Variants in UBR3 observed in about 807,000 individuals in gnomAD.
UBR3 encodes ubiquitin protein ligase E3 component n-recognin 3, also known as E3 ubiquitin-protein ligase UBR3.
Under a neutral mutation model 243.2 loss-of-function variants are expected in UBR3, and 85 were observed. The observed-to-expected ratio is 0.35, with a 90% CI of 0.29 to 0.42. The LOEUF (loss-of-function observed/expected upper bound fraction) is 0.42, where lower values mean the gene tolerates loss of function less well. Among genes scored for constraint, UBR3 ranks in the 10% least tolerant of loss-of-function variants. The probability of loss-of-function intolerance (pLI) is 1.00; values close to 1 mark genes in which losing one functional copy is unlikely to be tolerated. For missense variants in UBR3, 1,686 were observed against 2,300.8 expected (o/e 0.73, Z 5.47); for synonymous variants, 748 against 799.8 (o/e 0.94, Z 1.09).
At position 169,906,098 on chromosome 2, in the gene UBR3, C is replaced by T; in HGVS notation, c.1713C>T (p.Ala571=). Residue 571 remains alanine (A), a synonymous_variant, in exon 10 of 39, where the codon GCC becomes GCT. Coordinates refer to ENST00000272793, the MANE Select transcript of UBR3 (RefSeq NM_172070.4). ...VEFESQTYYA[A]FAAELEACAQ... Reference sequence around the variant, plus strand: ...TTGAGTCTCAGACCTACTATGCTGCCTTTGCTGCTGAACTTGAGGCCTGTG... The same window carrying T: ...TTGAGTCTCAGACCTACTATGCTGCTTTTGCTGCTGAACTTGAGGCCTGTG... 1 of 1,551,520 alleles carries T rather than the reference C, an allele frequency of 6.4e-7. No homozygotes were observed. Among genetic ancestry groups the T allele is most frequent in the Non-Finnish European group, 8.7e-7 (1 of 1,146,876 alleles).
Position 169,966,058 on chromosome 2 carries a change from G to C in UBR3, c.3634+7532G>C, listed in dbSNP as rs550007970. On this transcript the variant is annotated intron_variant, in intron 24 of 38. Transcript: ENST00000272793. ...ATGCAACACATTTCTACTGTGATTA[G>C]CACTCTTGCCTATCTGTTTAATGCC... Among the ~76,000 whole-genome samples, 5 of 152,232 alleles carry C rather than the reference G, an allele frequency of 3.3e-5. No individual in the cohort carries two copies. In the East Asian group the frequency reaches 9.6e-4, roughly 29 times the overall value.
Position 169,965,791 on chromosome 2 carries a change from T to C in UBR3, c.3634+7265T>C, listed in dbSNP as rs146287232. Among the ~76,000 whole-genome samples the C allele has an allele frequency of 4.6e-3, 697 of 152,270 alleles. 6 individuals are homozygous for C. The highest frequency in any genetic ancestry group is 0.016 in the African/African-American group (656 of 41,566). On this transcript the variant is annotated intron_variant, in intron 24 of 38. Transcript: ENST00000272793. Reference sequence around the variant, plus strand: ...TTTATTTCCGAAATTTTCCATTTAATATTTTCTGACCATGGTTGACCACAG... The same window carrying C: ...TTTATTTCCGAAATTTTCCATTTAACATTTTCTGACCATGGTTGACCACAG...
At chr2:169,986,903 T>C in intron 25 of UBR3, 109 bp downstream of exon 25, 1 of 1,177,716 alleles carries the variant, frequency 8.5e-7, no homozygotes. Flanking sequence ...TACTTATAAC[T>C]AGGCAAGGGT....
Position 169,878,530 on chromosome 2 carries a change from A to G in UBR3, c.994A>G (p.Ile332Val), listed in dbSNP as rs2105314571. 6.4e-7 allele frequency: 1 copy of G among 1,551,308 alleles called. No homozygotes were observed. Among genetic ancestry groups the G allele is most frequent in the Non-Finnish European group, 8.7e-7 (1 of 1,146,678 alleles). The change falls in exon 5 of 39, where the codon ATA (isoleucine) becomes GTA (valine). Residue 332 changes from isoleucine to valine, a missense_variant. Coordinates refer to ENST00000272793, the MANE Select transcript of UBR3 (RefSeq NM_172070.4). ...ATTTTTCTTCTCCTCCAAAGGTTTC[A>G]TAGGCGCAACAGGAACTTTGGGACA... Reference protein sequence around the residue: ...GTSSLAVQGFIGATGTLGQVD... With the variant: ...GTSSLAVQGFVGATGTLGQVD...
At chr2:170,023,255 G>A (rs1644047713) in intron 30 of UBR3, among the ~76,000 whole-genome samples, 1 of 151,880 alleles carries the variant, frequency 6.6e-6, no homozygotes, top group Non-Finnish European at 1.5e-5. Flanking sequence ...CTACAGGTAT[G>A]TGTCACCTTG....
chr2:169,836,319 C>A (rs937657039), intron 1 of UBR3, among the ~76,000 whole-genome samples: 1 of 151,128 alleles, frequency 6.6e-6, no homozygotes, highest in Non-Finnish European at 1.5e-5. Context: ...TCCTGACCTC[C>A]GGTGATCTTC....
chr2:169,978,058 C>T (rs775217342), intron 24 of UBR3, among the ~76,000 whole-genome samples: 3 of 152,090 alleles, frequency 2.0e-5, no homozygotes, highest in Non-Finnish European at 4.4e-5. Flanking sequence ...CATGCAGCTT[C>T]TCTGGTGGTG....
At chr2:170,060,498 G>A (rs933913628) in intron 33 of UBR3, among the ~76,000 whole-genome samples, 2 of 151,678 alleles carry the variant, frequency 1.3e-5, no homozygotes, top group African/African-American at 4.8e-5. Flanking sequence ...AAAATTTGTG[G>A]TCTATATTTT....
Position 169,927,054 on chromosome 2 carries a change from G to GA in UBR3, c.2338+89dup, listed in dbSNP as rs1427000888. 2.2e-5 allele frequency: 32 copies of GA among 1,426,438 alleles called. 1 individual carries two copies. Among genetic ancestry groups the GA allele is most frequent in the Non-Finnish European group, 2.9e-5 (31 of 1,058,384 alleles). The allele number at this position is 1,426,438 out of a possible 1,614,324, so 88.4% of individuals were successfully genotyped here. ...TCCCTGTGGTAGTAACTGGCTTAGGGAAAAAAGGAAAGGATGTAGATAAAT... is the reference window on the plus strand; with the variant it reads ...TCCCTGTGGTAGTAACTGGCTTAGGGAAAAAAAGGAAAGGATGTAGATAAAT... On this transcript the variant is annotated intron_variant, in intron 16 of 38. Transcript: ENST00000272793.
In UBR3 at chr2:169,860,629, G is replaced by A. The variant is rs1332355830; in HGVS notation, c.546-11607G>A. ...TTTTAATGTGTTTATTGACTGACTT[G>A]AGCATCTTTTCATATGGTTAAGAAC... is the stretch of plus-strand genomic sequence containing the variant. On this transcript the variant is annotated intron_variant, in intron 1 of 38. Coordinates refer to ENST00000272793, the MANE Select transcript of UBR3 (RefSeq NM_172070.4). Among the ~76,000 whole-genome samples the A allele has an allele frequency of 5.3e-5, 8 of 151,850 alleles. 1 individual carries two copies. The highest frequency in any genetic ancestry group is 3.9e-4 in the Admixed American group (6 of 15,234).
intron 7 of UBR3, among the ~76,000 whole-genome samples, chr2:169,895,627 A>G (rs369494778): frequency 1.3e-5 from 2 of 152,252 alleles, no homozygotes; most frequent in East Asian, 1.9e-4. Flanking sequence ...AAATTGTTCT[A>G]AATCCTCTGA....
chr2:169,977,457 G>T (rs1300028401), intron 24 of UBR3, among the ~76,000 whole-genome samples: 3 of 152,124 alleles, frequency 2.0e-5, no homozygotes, highest in Non-Finnish European at 2.9e-5. Context: ...AACCAGAGAA[G>T]CTGACAGTAC....
intron 20 of UBR3, among the ~76,000 whole-genome samples, chr2:169,945,914 G>A (rs1260833469): frequency 6.6e-6 from 1 of 152,078 alleles, no homozygotes; most frequent in Admixed American, 6.6e-5. Context: ...TTTAATTTTA[G>A]AGACATATTT....
At chr2:169,920,597 A>T (rs1038686231) in intron 11 of UBR3, among the ~76,000 whole-genome samples, 12 of 152,186 alleles carry the variant, frequency 7.9e-5, no homozygotes, top group African/African-American at 2.9e-4. Flanking sequence ...CCCTGAGTGT[A>T]TGTGCCTCAT....
intron 24 of UBR3, among the ~76,000 whole-genome samples, chr2:169,976,193 A>G (rs1294837747): frequency 6.6e-6 from 1 of 151,714 alleles, no homozygotes; most frequent in East Asian, 1.9e-4. Context: ...TTATTGATAG[A>G]TGAGGGCTTT....
chr2:169,922,975 A>G (rs2085764379), intron 11 of UBR3, among the ~76,000 whole-genome samples: 1 of 152,192 alleles, frequency 6.6e-6, no homozygotes, highest in Non-Finnish European at 1.5e-5. Flanking sequence ...TGTCCGGGAT[A>G]AACATTTTTA....
chr2:169,994,027 GA>G (rs2089392038), intron 25 of UBR3, among the ~76,000 whole-genome samples: 1 of 152,120 alleles, frequency 6.6e-6, no homozygotes, highest in African/African-American at 2.4e-5. Flanking sequence ...GTGAATACTG[GA>G]GAGTTATATC....
intron 10 of UBR3, among the ~76,000 whole-genome samples, 160 bp from the exon 11 acceptor site, chr2:169,913,897 GGTT>G (rs2085352458): frequency 6.6e-6 from 1 of 151,930 alleles, no homozygotes; most frequent in Non-Finnish European, 1.5e-5. Context: ...ATTTGTCACT[GGTT>G]GTTTATGAAG....
At chr2:170,023,923 C>T (rs1306394559) in intron 30 of UBR3, among the ~76,000 whole-genome samples, 4 of 151,248 alleles carry the variant, frequency 2.6e-5, no homozygotes, top group African/African-American at 9.7e-5. Context: ...ATGTTGGTCT[C>T]GATCTCCTGA....
Sources: allele counts gnomAD v4.1 joint callset (sites outside exome capture counted in the v4.1 genomes callset), GRCh38; gene constraint gnomAD v4.1.1; transcripts MANE v1.5; gene names NCBI Gene and HGNC (gene_info 2026-07-23, HGNC 2026-07-21).